MMS22L: variants seen among roughly 807,000 people sequenced by gnomAD.
The protein encoded by MMS22L is MMS22 like, DNA repair protein.
In MMS22L, 74 loss-of-function variants were observed where a neutral mutation model predicts 159.1. The ratio of observed to expected loss-of-function variants is 0.47; its 90% CI spans 0.39 to 0.56. The LOEUF (loss-of-function observed/expected upper bound fraction) is 0.56. Ranked by LOEUF, MMS22L falls within the 20% of genes least tolerant of loss-of-function variation. The pLI, the probability that MMS22L is intolerant of heterozygous loss-of-function variation, is 0.00. For synonymous variants in MMS22L, 517 were observed against 506.9 expected (o/e 1.02, Z -0.27); for missense variants, 1,351 against 1,422.1 (o/e 0.95, Z 0.80).
Position 97,251,675 on chromosome 6 carries a change from T to C in MMS22L, c.1119+2882A>G, listed in dbSNP as rs1813248716. On this transcript the variant is annotated intron_variant, in intron 10 of 24. Coordinates refer to ENST00000683635, the MANE Select transcript of MMS22L (RefSeq NM_001350599.2). ...ATCGTGGCAAAAGAAAATCAGGAAC[T>C]GCTGACAAATATTAAAAGACGCAAG... 2.6e-5 allele frequency among the ~76,000 whole-genome samples: 4 copies of C among 152,194 alleles called. No homozygotes were observed. In the South Asian group the frequency reaches 8.3e-4, roughly 31 times the overall value.
At chr6:97,155,384 T>C (rs997676009) in intron 22 of MMS22L, among the ~76,000 whole-genome samples, 14 of 152,324 alleles carry the variant, frequency 9.2e-5, no homozygotes, top group Non-Finnish European at 1.8e-4. Context: ...TACATATGTA[T>C]ACATGTGCCA....
At chr6:97,206,408 C>T (rs1407320215) in intron 14 of MMS22L, among the ~76,000 whole-genome samples, 1 of 150,696 alleles carries the variant, frequency 6.6e-6, no homozygotes, top group East Asian at 1.9e-4. Context: ...CACACACACA[C>T]ACTAGACCTT....
At chr6:97,158,652 T>C (rs1582392656) in intron 22 of MMS22L, among the ~76,000 whole-genome samples, 1 of 152,226 alleles carries the variant, frequency 6.6e-6, no homozygotes, top group Non-Finnish European at 1.5e-5. Context: ...GAGTTCCAAC[T>C]GGACTGCACT....
chr6:97,181,033 C>A (rs572968763), intron 16 of MMS22L, among the ~76,000 whole-genome samples: 1 of 152,056 alleles, frequency 6.6e-6, no homozygotes, highest in Non-Finnish European at 1.5e-5. Flanking sequence ...TGTGTACACA[C>A]GACGTATGTG....
chr6:97,255,111 C>T (rs1813660655), intron 9 of MMS22L, among the ~76,000 whole-genome samples: 1 of 151,974 alleles, frequency 6.6e-6, no homozygotes, highest in Non-Finnish European at 1.5e-5. Flanking sequence ...TCTTTTGTAA[C>T]TTGCTTCTTT....
At chr6:97,247,704 C>T (rs1812815600) in intron 10 of MMS22L, among the ~76,000 whole-genome samples, 1 of 151,728 alleles carries the variant, frequency 6.6e-6, no homozygotes, top group South Asian at 2.1e-4. Context: ...GGTGACAGAA[C>T]AAGACTTCGT....
chr6:97,158,294 GT>G (rs1208318466), intron 22 of MMS22L, among the ~76,000 whole-genome samples: 3 of 151,956 alleles, frequency 2.0e-5, no homozygotes, highest in Admixed American at 6.6e-5. Context: ...TTTTTTGAAG[GT>G]TTTTTTGTGT....
intron 6 of MMS22L, chr6:97,271,725 G>A (rs990355738): frequency 2.0e-5 from 3 of 152,166 alleles, no homozygotes; most frequent in African/African-American, 7.2e-5. Flanking sequence ...AGGCTGGAAT[G>A]CAGTGGTGCA....
chr6:97,267,748 G>T, intron 8 of MMS22L, 124 bp downstream of exon 8: 1 of 845,842 alleles, frequency 1.2e-6, no homozygotes, highest in Non-Finnish European at 1.6e-6. Flanking sequence ...CCAGATAATA[G>T]CAACTAAATA....
Position 97,188,133 on chromosome 6 carries a change from A to G in MMS22L, c.2040-1443T>C, listed in dbSNP as rs575360286. Among the ~76,000 whole-genome samples the G allele has an allele frequency of 3.3e-5, 5 of 152,318 alleles. No homozygotes were observed. The South Asian group carries it at 1.0e-3, about 32-fold the overall frequency. On this transcript the variant is annotated intron_variant, in intron 14 of 24. Transcript: ENST00000683635. ...CTTAGAGTGAGATAAATAACAAACC[A>G]CTAAAATCTATCTGGCAACTAACTC...
intron 14 of MMS22L, among the ~76,000 whole-genome samples, chr6:97,191,883 A>G (rs1805902219): frequency 6.6e-6 from 1 of 152,238 alleles, no homozygotes; most frequent in Admixed American, 6.5e-5. Context: ...CTGAAATTTA[A>G]ACAGTGGAAG....
chr6:97,275,726 T>C (rs755665574), intron 4 of MMS22L, among the ~76,000 whole-genome samples: 1 of 152,186 alleles, frequency 6.6e-6, no homozygotes, highest in African/African-American at 2.4e-5. Flanking sequence ...AGCTCTTGGC[T>C]GAGTGTGGTG....
intron 9 of MMS22L, among the ~76,000 whole-genome samples, chr6:97,263,065 G>T (rs1398492972): frequency 3.9e-5 from 6 of 152,002 alleles, no homozygotes; most frequent in African/African-American, 1.4e-4. Flanking sequence ...TAGTCTGAAA[G>T]ATTTCTGATA....
chr6:97,222,956 T>A (rs1213844453), intron 14 of MMS22L, among the ~76,000 whole-genome samples: 1 of 152,112 alleles, frequency 6.6e-6, no homozygotes, highest in African/African-American at 2.4e-5. Context: ...AAAATGTGAT[T>A]CCAGAGAGGT....
chr6:97,174,591 T>C (rs186576526), intron 18 of MMS22L, among the ~76,000 whole-genome samples: 35 of 152,272 alleles, frequency 2.3e-4, no homozygotes, highest in African/African-American at 4.8e-4. Context: ...TGGGAGAATG[T>C]TGTCCTAGGA....
intron 23 of MMS22L, among the ~76,000 whole-genome samples, chr6:97,150,593 G>A (rs1801226269): frequency 6.6e-6 from 1 of 152,162 alleles, no homozygotes; most frequent in Admixed American, 6.5e-5. Context: ...ACCTCGCTTA[G>A]TAAATTATAG....
chr6:97,206,697 G>T (rs1213376150), intron 14 of MMS22L, among the ~76,000 whole-genome samples: 6 of 151,854 alleles, frequency 4.0e-5, no homozygotes, highest in Non-Finnish European at 8.8e-5. Context: ...TTTTTGAAAG[G>T]GGTAAAAAGA....
In MMS22L at chr6:97,145,292, A is replaced by G. The variant is rs1010716250; in HGVS notation, c.*1514T>C. On this transcript the variant is annotated 3_prime_UTR_variant, in exon 25 of 25. Coordinates refer to ENST00000683635, the MANE Select transcript of MMS22L (RefSeq NM_001350599.2). ...GAAGGACCATTTATATGTTATGAAAATAACAGACACTCCTTTGGATTTCAC... is the reference window on the plus strand; with the variant it reads ...GAAGGACCATTTATATGTTATGAAAGTAACAGACACTCCTTTGGATTTCAC... 3 of 152,176 alleles carry G rather than the reference A, an allele frequency of 2.0e-5. No homozygotes were observed. The highest frequency in any genetic ancestry group is 7.2e-5 in the African/African-American group (3 of 41,452). 9.4% of individuals were successfully genotyped at this position (152,176 alleles called of 1,614,324 possible). A position where few individuals can be genotyped will look rare whatever the true frequency, so the allele number is the denominator to read the frequency against.
At chr6:97,158,337 T>G (rs1200179064) in intron 22 of MMS22L, among the ~76,000 whole-genome samples, 1 of 152,106 alleles carries the variant, frequency 6.6e-6, no homozygotes, top group African/African-American at 2.4e-5. Flanking sequence ...TCTTAGTTAT[T>G]TCTTGTCTTC....
Sources: allele counts gnomAD v4.1 joint callset (sites outside exome capture counted in the v4.1 genomes callset), GRCh38; gene constraint gnomAD v4.1.1; transcripts MANE v1.5; gene names NCBI Gene and HGNC (gene_info 2026-07-23, HGNC 2026-07-21).